The following MARCHF1 variants were observed in gnomAD, a reference collection of about 807,000 sequenced individuals.
The protein encoded by MARCHF1 is E3 ubiquitin-protein ligase MARCHF1.
Under a neutral mutation model 54.2 loss-of-function variants are expected in MARCHF1, and 40 were observed. The observed-to-expected ratio is 0.74, with a 90% CI of 0.57 to 0.96. The LOEUF is 0.96. Among genes scored for constraint, MARCHF1 ranks in the 40% least tolerant of loss-of-function variants. The probability of loss-of-function intolerance (pLI) is 0.00; values close to 1 mark genes in which losing one functional copy is unlikely to be tolerated. For missense variants in MARCHF1, 586 were observed against 656.5 expected (o/e 0.89, Z 1.17); for synonymous variants, 236 against 236.3 (o/e 1.00, Z 0.01).
intron 1 of MARCHF1, among the ~76,000 whole-genome samples, chr4:164,180,714 T>G (rs1454032695): frequency 6.6e-6 from 1 of 152,230 alleles, no homozygotes; most frequent in Non-Finnish European, 1.5e-5. Flanking sequence ...TTTATGTTAA[T>G]AATCTCTTGC....
chr4:164,220,165 TTGTG>T (rs909610169), intron 1 of MARCHF1, among the ~76,000 whole-genome samples: 3 of 151,364 alleles, frequency 2.0e-5, no homozygotes, highest in Non-Finnish European at 3.0e-5. Flanking sequence ...GCTATCATAT[TTGTG>T]TGAGATTTAC....
At chr4:164,020,854 C>A (rs1270098933) in intron 2 of MARCHF1, among the ~76,000 whole-genome samples, 1 of 152,126 alleles carries the variant, frequency 6.6e-6, no homozygotes, top group African/African-American at 2.4e-5. Context: ...TCGCTTGAGC[C>A]CAGGAGGTCA....
intron 2 of MARCHF1, among the ~76,000 whole-genome samples, chr4:164,087,476 T>C (rs1412352610): frequency 6.6e-6 from 1 of 152,086 alleles, no homozygotes; most frequent in Non-Finnish European, 1.5e-5. Context: ...ATAGACAAAG[T>C]ACAATATATA....
chr4:163,879,947 T>C (rs925369351), intron 3 of MARCHF1, among the ~76,000 whole-genome samples: 9 of 152,072 alleles, frequency 5.9e-5, no homozygotes, highest in Non-Finnish European at 1.0e-4. Flanking sequence ...CAATTCATGA[T>C]ACCTAAGGTA....
chr4:164,234,484 C>T (rs1391971471), intron 1 of MARCHF1, among the ~76,000 whole-genome samples: 1 of 151,998 alleles, frequency 6.6e-6, no homozygotes, highest in Non-Finnish European at 1.5e-5. Flanking sequence ...AATTTATTGA[C>T]ACTCCTATGA....
At chr4:163,623,015 T>C (rs1448141996) in intron 5 of MARCHF1, among the ~76,000 whole-genome samples, 1 of 152,008 alleles carries the variant, frequency 6.6e-6, no homozygotes, top group East Asian at 1.9e-4. Context: ...AAACATACAG[T>C]TGGAAAGAGA....
intron 1 of MARCHF1, among the ~76,000 whole-genome samples, chr4:164,285,818 T>TAA (rs1734132416): frequency 9.8e-6 from 1 of 102,244 alleles, no homozygotes; most frequent in African/African-American, 4.6e-5. Context: ...CTGTAGTTCT[T>TAA]TAAAAAAAAA....
At chr4:163,581,559 G>A (rs1166819612) in intron 8 of MARCHF1, among the ~76,000 whole-genome samples, 10 of 152,076 alleles carry the variant, frequency 6.6e-5, no homozygotes, top group Non-Finnish European at 1.5e-4. Context: ...AACAAGTTTG[G>A]GGCAGTTAAC....
At position 164,029,891 on chromosome 4, in the gene MARCHF1, G is replaced by A. The variant is rs1424444912; in HGVS notation, c.-247-41182C>T. Among the ~76,000 whole-genome samples, 4 of 152,160 alleles carry A rather than the reference G, an allele frequency of 2.6e-5. No homozygotes were observed. In the South Asian group the frequency reaches 6.2e-4, roughly 24 times the overall value. Reference sequence around the variant, plus strand: ...ATTACAGGTGTGAGTCATCATACCCGGCCCAGGATTTTAGCCTTTTAAACT... The same window carrying A: ...ATTACAGGTGTGAGTCATCATACCCAGCCCAGGATTTTAGCCTTTTAAACT... On this transcript the variant is annotated intron_variant, in intron 2 of 9. Transcript: ENST00000514618.
chr4:164,193,176 G>A (rs184882160), intron 1 of MARCHF1, among the ~76,000 whole-genome samples: 16 of 152,104 alleles, frequency 1.1e-4, no homozygotes, highest in African/African-American at 3.4e-4. Flanking sequence ...CACTCCCACT[G>A]GTGCCATGAC....
intron 3 of MARCHF1, among the ~76,000 whole-genome samples, chr4:163,906,701 C>T: frequency 6.6e-6 from 1 of 151,126 alleles, no homozygotes; most frequent in Admixed American, 6.6e-5. Context: ...CTCTCAAAGT[C>T]CTATGAAAGT....
intron 1 of MARCHF1, among the ~76,000 whole-genome samples, chr4:164,237,798 A>G (rs1440296681): frequency 2.0e-5 from 3 of 152,028 alleles, no homozygotes; most frequent in Admixed American, 1.3e-4. Context: ...AATTTCAGGC[A>G]TGAAATTTTT....
chr4:163,895,575 T>C (rs1750787225), intron 3 of MARCHF1, among the ~76,000 whole-genome samples: 1 of 152,212 alleles, frequency 6.6e-6, no homozygotes, highest in South Asian at 2.1e-4. Context: ...AGGGGCATAG[T>C]GTGGGTGGAG....
At chr4:163,835,089 TC>T (rs1560779180) in intron 4 of MARCHF1, among the ~76,000 whole-genome samples, 1 of 152,104 alleles carries the variant, frequency 6.6e-6, no homozygotes, top group Non-Finnish European at 1.5e-5. Flanking sequence ...TGCTGTGTTG[TC>T]CAGGCTGATC....
intron 2 of MARCHF1, among the ~76,000 whole-genome samples, chr4:164,014,816 C>T (rs1050103858): frequency 2.0e-5 from 3 of 152,056 alleles, no homozygotes; most frequent in East Asian, 1.9e-4. Context: ...GGGATTGATA[C>T]AGCAAGTTAA....
At chr4:164,301,330 G>T (rs901950865) in intron 1 of MARCHF1, among the ~76,000 whole-genome samples, 2 of 152,164 alleles carry the variant, frequency 1.3e-5, no homozygotes, top group Non-Finnish European at 2.9e-5. Flanking sequence ...ATTGACAAAT[G>T]AAGAAAATGA....
At chr4:163,606,667 C>A (rs1380608941) in intron 7 of MARCHF1, among the ~76,000 whole-genome samples, 4 of 151,984 alleles carry the variant, frequency 2.6e-5, no homozygotes, top group African/African-American at 7.2e-5. Flanking sequence ...TGTAGTTGAG[C>A]ATTACTGTAT....
rs55721102 is a variant in MARCHF1, at chr4:164,165,362, GTCTCTCTC to G, written c.-322-53708_-322-53701del. Among the ~76,000 whole-genome samples the G allele has an allele frequency of 1.2e-4, 18 of 148,752 alleles. No individual in the cohort carries two copies. The South Asian group carries it at 3.6e-3, about 30-fold the overall frequency. On this transcript the variant is annotated intron_variant, in intron 1 of 9. Transcript: ENST00000514618. ...AGAAACACAAGCACGTTTTCTCTCT[GTCTCTCTC>G]TCTCTCTCTCTCTGCCTCTGTCTCT... is the stretch of plus-strand genomic sequence containing the variant.
rs554022049 is a variant in MARCHF1 at position 164,139,035 on chromosome 4, T to C, written c.-322-27373A>G. Among the ~76,000 whole-genome samples, 85 of 152,336 alleles carry C rather than the reference T, an allele frequency of 5.6e-4. 1 individual carries two copies. The highest frequency in any genetic ancestry group is 3.7e-3 in the South Asian group (18 of 4,828). On this transcript the variant is annotated intron_variant, in intron 1 of 9. Transcript: ENST00000514618. ...GAATTCTGCATATGTAAAATGTATATTAAAGCAATGATTTTATTTTGGTCT... is the reference window on the plus strand; with the variant it reads ...GAATTCTGCATATGTAAAATGTATACTAAAGCAATGATTTTATTTTGGTCT...
Sources: allele counts gnomAD v4.1 joint callset (sites outside exome capture counted in the v4.1 genomes callset), GRCh38; gene constraint gnomAD v4.1.1; transcripts MANE v1.5; gene names NCBI Gene and HGNC (gene_info 2026-07-23, HGNC 2026-07-21).